Variants in PALM observed in about 807,000 individuals in gnomAD.
PALM encodes the protein paralemmin.
Under a neutral mutation model 30.7 loss-of-function variants are expected in PALM, and 18 were observed. The observed-to-expected ratio is 0.59, with a 90% confidence interval of 0.41 to 0.87. The LOEUF (loss-of-function observed/expected upper bound fraction) is 0.87, where lower values mean the gene tolerates loss of function less well. PALM is among the 40% of genes least tolerant of loss of function. The probability of loss-of-function intolerance (pLI) is 0.00; values close to 1 mark genes in which losing one functional copy is unlikely to be tolerated. For missense variants in PALM, 529 were observed against 555.4 expected (o/e 0.95, Z 0.48); for synonymous variants, 286 against 242.8 (o/e 1.18, Z -1.66).
intron 1 of PALM, among the ~76,000 whole-genome samples, chr19:720,338 C>G (rs1218052932): frequency 7.6e-6 from 1 of 130,820 alleles, no homozygotes; most frequent in Non-Finnish European, 1.7e-5. Context: ...GGGGGCGCAT[C>G]CTGCGTGTCC....
rs577577462 is a variant in PALM, at chr19:727,170, C to T, written c.138+82C>T. ...CCCCGGACTCCTGCCCAACCCTGACCCTGACCCCAATCCCAACCTGACCCT... is the reference window on the plus strand; with the variant it reads ...CCCCGGACTCCTGCCCAACCCTGACTCTGACCCCAATCCCAACCTGACCCT... On this transcript the variant is annotated intron_variant, in intron 3 of 8. Transcript: ENST00000338448. 109 of 923,546 alleles carry T rather than the reference C, an allele frequency of 1.2e-4. 1 individual carries two copies. In the African/African-American group the frequency reaches 1.6e-3, roughly 14 times the overall value. The allele number at this position is 923,546 out of a possible 1,614,324, so 57.2% of individuals were successfully genotyped here.
In PALM at chr19:734,211, G is replaced by T; in HGVS notation, c.442+17G>T. ...CGCCCAAAGGTAGGACCTCTGGAAG[G>T]AACTCGTGGGGCCTCGGCGCACTCT... On this transcript the variant is annotated intron_variant, in intron 6 of 8. Transcript: ENST00000338448. 1.2e-6 allele frequency: 2 copies of T among 1,612,826 alleles called. No homozygotes were observed. Among genetic ancestry groups the T allele is most frequent in the East Asian group, 2.2e-5 (1 of 44,844 alleles).
chr19:715,040 G>A (rs1359812055), intron 1 of PALM, among the ~76,000 whole-genome samples: 3 of 152,172 alleles, frequency 2.0e-5, no homozygotes, highest in Non-Finnish European at 4.4e-5. Context: ...GAGGCAGGAG[G>A]ATCACCTCAG....
At chr19:720,012 C>A (rs1045474282) in intron 1 of PALM, among the ~76,000 whole-genome samples, 1 of 152,082 alleles carries the variant, frequency 6.6e-6, no homozygotes, top group South Asian at 2.1e-4. Flanking sequence ...CCACACCCCT[C>A]CCGGATGGAA....
At chr19:726,218 T>A in intron 2 of PALM, 29 bp downstream of exon 2, 1 of 1,606,162 alleles carries the variant, frequency 6.2e-7, no homozygotes, top group South Asian at 1.1e-5. Context: ...GCAGACGGTG[T>A]GGTCAGGGTG....
intron 4 of PALM, among the ~76,000 whole-genome samples, chr19:729,357 T>C (rs561643249): frequency 6.6e-6 from 1 of 151,706 alleles, no homozygotes; most frequent in South Asian, 2.1e-4. Flanking sequence ...GTGGGGCAGT[T>C]CTGGTGGGTT....
Position 724,696 on chromosome 19 carries a change from C to T in PALM, c.6-1442C>T, listed in dbSNP as rs193180200. Among the ~76,000 whole-genome samples, 139 of 152,130 alleles carry T rather than the reference C, an allele frequency of 9.1e-4. 1 individual carries two copies. In the South Asian group the frequency reaches 0.011, roughly 12 times the overall value. The stretch of plus-strand genomic sequence containing the variant: ...GGGTGGTGGGGTCATGGCTCACTGC[C>T]CCCTGGACCTCCCAGGCTCAAGCAG... On this transcript the variant is annotated intron_variant, in intron 1 of 8. Coordinates refer to ENST00000338448, the MANE Select transcript of PALM (RefSeq NM_002579.3).
At chr19:715,625 C>T (rs1320286230) in intron 1 of PALM, among the ~76,000 whole-genome samples, 2 of 152,140 alleles carry the variant, frequency 1.3e-5, no homozygotes, top group African/African-American at 4.8e-5. Flanking sequence ...TCCTGCTAGG[C>T]CTTGAGTGCC....
chr19:722,362 A>AT (rs1379173283), intron 1 of PALM: 1 of 152,228 alleles, frequency 6.6e-6, no homozygotes, highest in African/African-American at 2.4e-5. Context: ...CCACAGGGAC[A>AT]TACCACCACA....
rs572157456 is a variant in PALM at position 709,679 on chromosome 19, C to A, written c.5+528C>A. On this transcript the variant is annotated intron_variant, in intron 1 of 8. Transcript: ENST00000338448. The surrounding 1 kb of genome is among the most constrained non-coding windows in gnomAD (Gnocchi z 4.3). ...GCCTCCAGGGGTGTCCTGAGCCCCCCGCCACTGCGCAGGTCCCGAGTTACC... is the reference window on the plus strand; with the variant it reads ...GCCTCCAGGGGTGTCCTGAGCCCCCAGCCACTGCGCAGGTCCCGAGTTACC... Among the ~76,000 whole-genome samples the A allele has an allele frequency of 1.2e-3, 185 of 152,304 alleles. 2 individuals carry two copies. The highest frequency in any genetic ancestry group is 4.4e-3 in the African/African-American group (182 of 41,580).
In PALM at chr19:746,848, C is replaced by A; in HGVS notation, c.*34C>A. 1 of 1,290,890 alleles carries A rather than the reference C, an allele frequency of 7.7e-7. No individual in the cohort carries two copies. 80.0% of individuals were successfully genotyped at this position (1,290,890 alleles called of 1,614,324 possible). A position where few individuals can be genotyped will look rare whatever the true frequency, so the allele number is the denominator to read the frequency against. On this transcript the variant is annotated 3_prime_UTR_variant, in exon 9 of 9. Transcript: ENST00000338448. This position sits in a 1 kb window ranked among gnomAD's most constrained non-coding sequence, Gnocchi z 7.1. ...CCGAGACCCCGGCCCCCACCCCACA[C>A]CACAGACACCCACCAGCCCGGCCCC...
chr19:727,811 G>A (rs963531832), intron 4 of PALM, 117 bp downstream of exon 4: 15 of 949,010 alleles, frequency 1.6e-5, no homozygotes, highest in Middle Eastern at 3.4e-4. Context: ...TGCGTGGACC[G>A]GGCAGGCCAG....
Position 727,004 on chromosome 19 carries a change from A to ACCCC in PALM, c.58-3_58-2insCCCC. On this transcript the variant is annotated splice_polypyrimidine_tract_variant and splice_region_variant and intron_variant, in intron 2 of 8. Transcript: ENST00000338448. ...TCCCTGACCCCACCCGGCCCTCCCC[A>ACCCC]CAGGAGAAGCGGAAGCGGCAGGCGG... 1.8e-5 allele frequency: 8 copies of ACCCC among 432,910 alleles called. No homozygotes were observed. The highest frequency in any genetic ancestry group is 8.9e-5 in the East Asian group (1 of 11,274). 26.8% of individuals were successfully genotyped at this position (432,910 alleles called of 1,614,324 possible).
chr19:723,660 T>C (rs1024843752), intron 1 of PALM, among the ~76,000 whole-genome samples: 8 of 152,020 alleles, frequency 5.3e-5, no homozygotes, highest in Admixed American at 6.6e-5. Context: ...GCGTGATCTC[T>C]GCTCACTGCA....
At chr19:739,641 G>C (rs933175959) in intron 7 of PALM, among the ~76,000 whole-genome samples, 1 of 151,954 alleles carries the variant, frequency 6.6e-6, no homozygotes, top group Non-Finnish European at 1.5e-5. Context: ...TGATCGTGCC[G>C]CTCCACTCCA....
chr19:714,734 C>T (rs1056289831), intron 1 of PALM, among the ~76,000 whole-genome samples: 1 of 152,054 alleles, frequency 6.6e-6, no homozygotes, highest in Non-Finnish European at 1.5e-5. Context: ...ACTGCAGCCT[C>T]CACGCCCCGG....
chr19:720,051 C>T (rs1270591964), intron 1 of PALM, among the ~76,000 whole-genome samples: 3 of 152,030 alleles, frequency 2.0e-5, no homozygotes, highest in African/African-American at 7.2e-5. Context: ...GCCCCCCGGA[C>T]GCCCAGACGG....
rs1043470111 is a variant in PALM, at chr19:709,803, C to T, written c.5+652C>T. On this transcript the variant is annotated intron_variant, in intron 1 of 8. Transcript: ENST00000338448. The surrounding 1 kb of genome is among the most constrained non-coding windows in gnomAD (Gnocchi z 4.3). ...TCCAGCGGGGCGCCTGGGTGGGATA[C>T]CCTCTCGGGGAAGTGTCTCGGAGCT... Among the ~76,000 whole-genome samples the T allele has an allele frequency of 1.3e-5, 2 of 152,304 alleles. No homozygotes were observed. Among genetic ancestry groups the T allele is most frequent in the South Asian group, 4.1e-4 (2 of 4,830 alleles).
intron 1 of PALM, chr19:719,191 C>A: frequency 1.0e-6 from 1 of 985,472 alleles, no homozygotes; most frequent in Non-Finnish European, 1.2e-6. Flanking sequence ...GTGCGACGCC[C>A]CCATCCCACA....
Sources: gnomAD v4.1 joint callset for allele counts (sites outside exome capture counted in the v4.1 genomes callset) on GRCh38, gnomAD v4.1.1 for gene constraint, Gnocchi (gnomAD v3.1) non-coding constraint, MANE v1.5 for transcripts, NCBI Gene and HGNC (gene_info 2026-07-23, HGNC 2026-07-21) for gene names.